CPNE8: variants seen among roughly 807,000 people sequenced by gnomAD.
CPNE8 encodes copine-8.
Under a neutral mutation model 81.5 loss-of-function variants are expected in CPNE8, and 45 were observed. The ratio of observed to expected loss-of-function variants is 0.55; its 90% CI spans 0.44 to 0.71. The LOEUF (loss-of-function observed/expected upper bound fraction) is 0.71, where lower values mean the gene tolerates loss of function less well. CPNE8 is among the 30% of genes least tolerant of loss of function. The pLI is 0.00. For synonymous variants in CPNE8, 252 were observed against 226.3 expected (o/e 1.11, Z -1.02); for missense variants, 594 against 672.1 (o/e 0.88, Z 1.28).
At chr12:38,901,388 T>G (rs1944460053) in intron 1 of CPNE8, among the ~76,000 whole-genome samples, 1 of 152,170 alleles carries the variant, frequency 6.6e-6, no homozygotes, top group African/African-American at 2.4e-5. Flanking sequence ...AGTGAAATAG[T>G]GCAACAAAAT....
chr12:38,725,050 T>A (rs1940661751), intron 11 of CPNE8, 151 bp from the exon 12 acceptor site: 2 of 736,116 alleles, frequency 2.7e-6, no homozygotes, highest in African/African-American at 3.5e-5. Flanking sequence ...TGGACAGTCA[T>A]TCAGTCAAAA....
At chr12:38,725,226 G>A (rs962180102) in intron 11 of CPNE8, among the ~76,000 whole-genome samples, 1 of 151,994 alleles carries the variant, frequency 6.6e-6, no homozygotes, top group Non-Finnish European at 1.5e-5. Context: ...GAAAAATGAT[G>A]GGTTGTTAAA....
chr12:38,696,371 C>T (rs201014267), intron 14 of CPNE8, among the ~76,000 whole-genome samples: 1 of 136,194 alleles, frequency 7.3e-6, no homozygotes, highest in Non-Finnish European at 1.6e-5. Context: ...GTGTTCTATA[C>T]TAAAAAAAAA....
chr12:38,711,447 C>T (rs1940254197), intron 13 of CPNE8, among the ~76,000 whole-genome samples: 1 of 150,482 alleles, frequency 6.6e-6, no homozygotes. Flanking sequence ...CTAGATATCT[C>T]TAAGCTTTCC....
At chr12:38,721,484 G>A (rs1010703012) in intron 13 of CPNE8, among the ~76,000 whole-genome samples, 10 of 152,180 alleles carry the variant, frequency 6.6e-5, no homozygotes, top group Admixed American at 5.9e-4. Context: ...GCTACCCCCT[G>A]AGGGTCTCCT....
chr12:38,886,827 A>T (rs963326007), intron 1 of CPNE8, among the ~76,000 whole-genome samples: 2 of 152,188 alleles, frequency 1.3e-5, no homozygotes, highest in African/African-American at 4.8e-5. Context: ...TTTCTTTACA[A>T]AAGAAGGTAG....
intron 11 of CPNE8, among the ~76,000 whole-genome samples, chr12:38,728,913 T>C (rs1028699089): frequency 3.3e-5 from 5 of 152,142 alleles, no homozygotes; most frequent in African/African-American, 9.6e-5. Flanking sequence ...ACATTTATAT[T>C]TGAAGTCATG....
At chr12:38,882,273 G>A (rs919640229) in intron 1 of CPNE8, among the ~76,000 whole-genome samples, 1 of 152,144 alleles carries the variant, frequency 6.6e-6, no homozygotes, top group African/African-American at 2.4e-5. Context: ...AGCACAGAGA[G>A]AGTTGTAGAT....
intron 5 of CPNE8, among the ~76,000 whole-genome samples, chr12:38,830,772 T>A (rs1943274459): frequency 6.6e-6 from 1 of 152,172 alleles, no homozygotes; most frequent in Non-Finnish European, 1.5e-5. Flanking sequence ...GGTGAGGAAC[T>A]AGTATTGGCC....
chr12:38,852,906 C>T (rs144155799), intron 3 of CPNE8, among the ~76,000 whole-genome samples: 1 of 152,058 alleles, frequency 6.6e-6, no homozygotes, highest in Non-Finnish European at 1.5e-5. Flanking sequence ...TAATGATTAT[C>T]ATCTAATTTT....
intron 18 of CPNE8, among the ~76,000 whole-genome samples, chr12:38,674,493 T>G (rs1939246542): frequency 6.6e-6 from 1 of 152,154 alleles, no homozygotes; most frequent in Non-Finnish European, 1.5e-5. Flanking sequence ...TTAATGCAGA[T>G]TATCAAGTGT....
At chr12:38,740,013 A>G (rs1292602378) in intron 10 of CPNE8, among the ~76,000 whole-genome samples, 1 of 152,194 alleles carries the variant, frequency 6.6e-6, no homozygotes, top group African/African-American at 2.4e-5. Context: ...ATGGCTTCAA[A>G]GGGGCATTGT....
At chr12:38,699,197 T>A (rs2136683324) in intron 14 of CPNE8, among the ~76,000 whole-genome samples, 1 of 152,316 alleles carries the variant, frequency 6.6e-6, no homozygotes, top group South Asian at 2.1e-4. Flanking sequence ...GGACTATAAG[T>A]TTTGCACTTC....
chr12:38,693,574 G>A lies in CPNE8; in HGVS notation c.1143+83C>T, dbSNP rs878949568. 9.0e-6 allele frequency: 11 copies of A among 1,218,178 alleles called. No homozygotes were observed. The South Asian group carries it at 1.5e-4, about 17-fold the overall frequency. The allele number at this position is 1,218,178 out of a possible 1,614,324, so 75.5% of individuals were successfully genotyped here. On this transcript the variant is annotated intron_variant, in intron 15 of 19. Transcript: ENST00000331366. The stretch of plus-strand genomic sequence containing the variant: ...AGTCAGTAAAGCTTGCTACTTGACT[G>A]ACTAAAGAATAAGTACCAAAGCAAT...
intron 6 of CPNE8, among the ~76,000 whole-genome samples, chr12:38,796,582 G>A (rs1429732533): frequency 6.6e-6 from 1 of 152,180 alleles, no homozygotes; most frequent in South Asian, 2.1e-4. Context: ...TGGCCGAATA[G>A]GAACAGCTCC....
At chr12:38,815,269 A>G (rs1187446206) in intron 6 of CPNE8, among the ~76,000 whole-genome samples, 1 of 152,154 alleles carries the variant, frequency 6.6e-6, no homozygotes, top group African/African-American at 2.4e-5. Flanking sequence ...TATTATGAAT[A>G]ACTTTTTTCA....
intron 10 of CPNE8, among the ~76,000 whole-genome samples, chr12:38,746,149 T>C (rs1410368152): frequency 6.6e-6 from 1 of 152,148 alleles, no homozygotes; most frequent in Non-Finnish European, 1.5e-5. Context: ...AGGATGGAGA[T>C]GACAATGTCA....
intron 1 of CPNE8, among the ~76,000 whole-genome samples, chr12:38,898,903 CA>C (rs1445970135): frequency 6.6e-6 from 1 of 152,054 alleles, no homozygotes; most frequent in Non-Finnish European, 1.5e-5. Context: ...AAGGATATGC[CA>C]CCAGTGGATG....
intron 6 of CPNE8, among the ~76,000 whole-genome samples, chr12:38,814,198 C>T (rs1942984023): frequency 6.7e-6 from 1 of 150,362 alleles, no homozygotes. Flanking sequence ...TTGATAAATG[C>T]AACTGCTTAG....
Sources: allele counts gnomAD v4.1 joint callset (sites outside exome capture counted in the v4.1 genomes callset), GRCh38; gene constraint gnomAD v4.1.1; transcripts MANE v1.5; gene names NCBI Gene and HGNC (gene_info 2026-07-23, HGNC 2026-07-21).